The following OR1B1 variants were observed in gnomAD, a reference collection of about 807,000 sequenced individuals.
The protein encoded by OR1B1 is olfactory receptor 1B1.
For synonymous variants in OR1B1, 168 were observed against 156.2 expected (o/e 1.08, Z -0.57); for missense variants, 414 against 402.1 (o/e 1.03, Z -0.25).
At chr9:122,645,244 A>G in the OR1B1 span, among the ~76,000 whole-genome samples, 8 of 148,206 alleles carry the variant, frequency 5.4e-5, no homozygotes, top group East Asian at 1.6e-3. Flanking sequence ...CAGTCAGAGG[A>G]GACAAAAGAA....
At chr9:122,652,556 C>T in the OR1B1 span, among the ~76,000 whole-genome samples, 1 of 152,116 alleles carries the variant, frequency 6.6e-6, no homozygotes, top group African/African-American at 2.4e-5. Flanking sequence ...GTCTGCAATA[C>T]TTTATTTAAT....
At chr9:122,642,626 T>A in the OR1B1 span, among the ~76,000 whole-genome samples, 20 of 152,284 alleles carry the variant, frequency 1.3e-4, no homozygotes, top group South Asian at 3.9e-3. Context: ...TCTCTGCCAA[T>A]GTCTCCATGC....
the OR1B1 span, among the ~76,000 whole-genome samples, chr9:122,650,803 C>T: frequency 1.3e-5 from 2 of 152,034 alleles, no homozygotes; most frequent in African/African-American, 4.8e-5. Flanking sequence ...GTGGGCGGAT[C>T]ACGAGGTCAG....
the OR1B1 span, among the ~76,000 whole-genome samples, chr9:122,649,060 T>C: frequency 6.6e-6 from 1 of 152,026 alleles, no homozygotes; most frequent in Non-Finnish European, 1.5e-5. Flanking sequence ...GACATATAAA[T>C]CAATGGAACA....
upstream of OR1B1, among the ~76,000 whole-genome samples, chr9:122,632,065 A>G (rs775072777): frequency 9.2e-5 from 14 of 152,188 alleles, no homozygotes; most frequent in Non-Finnish European, 1.9e-4. Flanking sequence ...AGTGACTTAT[A>G]GACTCTAGAC....
the OR1B1 span, among the ~76,000 whole-genome samples, chr9:122,656,968 T>A: frequency 6.6e-6 from 1 of 152,192 alleles, no homozygotes; most frequent in Admixed American, 6.5e-5. Flanking sequence ...CTGATTTTTT[T>A]CTTTAAAAGT....
upstream of OR1B1, among the ~76,000 whole-genome samples, chr9:122,632,467 G>A (rs1220407739): frequency 6.6e-6 from 1 of 151,904 alleles, no homozygotes; most frequent in East Asian, 1.9e-4. Context: ...GTGGTATTTG[G>A]TTACAAGAGT....
the OR1B1 span, among the ~76,000 whole-genome samples, chr9:122,649,423 G>A: frequency 1.3e-5 from 2 of 152,160 alleles, no homozygotes; most frequent in Non-Finnish European, 2.9e-5. Flanking sequence ...AAACTAAAGA[G>A]TTTCTGCACA....
At chr9:122,629,343 G>T in exon 1 of OR1B1, 1 of 1,614,130 alleles carries the variant, frequency 6.2e-7, no homozygotes, top group Non-Finnish European at 8.5e-7. Context: ...AGGCCACGAA[G>T]CAGATAATAC....
chr9:122,634,335 CAAAA>C (rs754164135), upstream of OR1B1, among the ~76,000 whole-genome samples: 1 of 86,820 alleles, frequency 1.2e-5, no homozygotes. Context: ...AACTCCATCT[CAAAA>C]AAAAAAAAAA....
chr9:122,633,075 T>C (rs192962913), upstream of OR1B1, among the ~76,000 whole-genome samples: 63 of 152,204 alleles, frequency 4.1e-4, no homozygotes, highest in Non-Finnish European at 6.0e-4. Context: ...AGGACAGACC[T>C]GCACCCATGA....
the OR1B1 span, among the ~76,000 whole-genome samples, chr9:122,644,915 A>G: frequency 5.3e-5 from 8 of 152,300 alleles, no homozygotes; most frequent in South Asian, 1.5e-3. Flanking sequence ...ACGTCATCCA[A>G]GAAAACATGA....
At chr9:122,638,347 G>A in the OR1B1 span, among the ~76,000 whole-genome samples, 1 of 152,096 alleles carries the variant, frequency 6.6e-6, no homozygotes, top group African/African-American at 2.4e-5. Flanking sequence ...GTAGTTCATT[G>A]TTTTGGTTCC....
chr9:122,639,815 A>ATAAAG, the OR1B1 span: 1 of 151,112 alleles, frequency 6.6e-6, no homozygotes, highest in East Asian at 1.9e-4. Flanking sequence ...TAATTTCAAT[A>ATAAAG]TAAAGTAATT....
exon 1 of OR1B1, chr9:122,629,208 C>A (rs146422428): frequency 1.2e-6 from 2 of 1,613,964 alleles, no homozygotes; most frequent in Non-Finnish European, 1.7e-6. Flanking sequence ...TCTGTAACCC[C>A]AAATGCATAG....
the OR1B1 span, among the ~76,000 whole-genome samples, chr9:122,645,514 T>TA: frequency 1.3e-5 from 2 of 151,260 alleles, no homozygotes; most frequent in African/African-American, 2.4e-5. Flanking sequence ...AGGCCAAGGA[T>TA]AAAAAAAGGA....
chr9:122,633,944 T>TG (rs964029434), upstream of OR1B1, among the ~76,000 whole-genome samples: 16 of 45,946 alleles, frequency 3.5e-4, no homozygotes, highest in East Asian at 6.0e-4. Flanking sequence ...AAGGGTGGGG[T>TG]GGGGGGGTGC....
chr9:122,649,149 G>C, the OR1B1 span, among the ~76,000 whole-genome samples: 1 of 152,138 alleles, frequency 6.6e-6, no homozygotes, highest in East Asian at 1.9e-4. Context: ...AAGCAATGGG[G>C]GAAAGGATTC....
chr9:122,656,198 C>G, the OR1B1 span, among the ~76,000 whole-genome samples: 33 of 152,244 alleles, frequency 2.2e-4, no homozygotes, highest in African/African-American at 3.4e-4. Flanking sequence ...TCTGGCAACA[C>G]GTGTCTTCAA....
Sources: gnomAD v4.1 joint callset for allele counts (sites outside exome capture counted in the v4.1 genomes callset) on GRCh38, gnomAD v4.1.1 for gene constraint, MANE v1.5 for transcripts, NCBI Gene and HGNC (gene_info 2026-07-23, HGNC 2026-07-21) for gene names.